Variants in ETV6 observed in about 807,000 individuals in gnomAD.
The protein encoded by ETV6 is transcription factor ETV6.
ETV6 carries 16 observed loss-of-function variants against 51.1 expected under a neutral mutation model. The observed-to-expected ratio is 0.31, with a 90% confidence interval of 0.21 to 0.48. The LOEUF is 0.48. Among genes scored for constraint, ETV6 ranks in the 20% least tolerant of loss-of-function variants. The pLI, the probability that ETV6 is intolerant of heterozygous loss-of-function variation, is 0.99. For synonymous variants in ETV6, 240 were observed against 224.1 expected (o/e 1.07, Z -0.64); for missense variants, 458 against 594.8 (o/e 0.77, Z 2.39).
intron 2 of ETV6, among the ~76,000 whole-genome samples, chr12:11,757,461 GATC>G (rs1036271488): frequency 3.3e-5 from 5 of 151,902 alleles, no homozygotes; most frequent in East Asian, 1.9e-4. Flanking sequence ...AGCTGAACGT[GATC>G]ATCATTATTA....
chr12:11,758,783 AAGG>A (rs979053307), intron 2 of ETV6, among the ~76,000 whole-genome samples: 2 of 152,352 alleles, frequency 1.3e-5, no homozygotes, highest in South Asian at 2.1e-4. Context: ...AGACAAGGAC[AAGG>A]AGAAGAGATT....
At chr12:11,798,549 T>C (rs535083811) in intron 2 of ETV6, among the ~76,000 whole-genome samples, 2 of 152,252 alleles carry the variant, frequency 1.3e-5, no homozygotes, top group African/African-American at 4.8e-5. Flanking sequence ...AATGCTAGTG[T>C]CTAGAAGTGG....
intron 2 of ETV6, among the ~76,000 whole-genome samples, chr12:11,767,394 A>G (rs932185608): frequency 6.6e-5 from 10 of 152,384 alleles, no homozygotes; most frequent in Non-Finnish European, 7.3e-5. Context: ...CTAAGACAGC[A>G]GAATTGTAGA....
intron 2 of ETV6, among the ~76,000 whole-genome samples, chr12:11,792,971 G>T (rs902084642): frequency 6.6e-6 from 1 of 152,078 alleles, no homozygotes; most frequent in Admixed American, 6.5e-5. Flanking sequence ...AGGGGGCTAC[G>T]GGAGGGGTGG....
chr12:11,653,939 A>G (rs148592176), intron 1 of ETV6, among the ~76,000 whole-genome samples: 184 of 151,890 alleles, frequency 1.2e-3, no homozygotes, highest in African/African-American at 4.4e-3. Context: ...CAGCCTCCCA[A>G]GTAGTTGGGA....
chr12:11,669,059 C>G (rs931013864), intron 1 of ETV6, among the ~76,000 whole-genome samples: 14 of 152,230 alleles, frequency 9.2e-5, no homozygotes, highest in African/African-American at 3.4e-4. Flanking sequence ...CCCGCATGCA[C>G]ATGCACACAT....
At position 11,863,055 on chromosome 12, in the gene ETV6, G is replaced by A. The variant is rs933722908; in HGVS notation, c.464-6369G>A. On this transcript the variant is annotated intron_variant, in intron 4 of 7. Transcript: ENST00000396373. ...TGACCTTCTTCTCTGACCAGCATCC[G>A]TGGGCTTAGGGAAAGCACGGTGGTG... is the stretch of plus-strand genomic sequence containing the variant. Among the ~76,000 whole-genome samples, 55 of 152,278 alleles carry A rather than the reference G, an allele frequency of 3.6e-4. 1 individual carries two copies. Among genetic ancestry groups the A allele is most frequent in the Admixed American group, 3.1e-3 (48 of 15,300 alleles).
chr12:11,724,215 A>G (rs1293270806), intron 1 of ETV6, among the ~76,000 whole-genome samples: 2 of 152,214 alleles, frequency 1.3e-5, no homozygotes, highest in African/African-American at 2.4e-5. Context: ...AGGTCCTGAT[A>G]GGGGCTACTT....
At chr12:11,733,407 CAAAAAAAAAAAAAA>C (rs11394100) in intron 1 of ETV6, among the ~76,000 whole-genome samples, 5 of 101,078 alleles carry the variant, frequency 4.9e-5, no homozygotes, top group African/African-American at 2.4e-4. Context: ...GACTCCATCT[CAAAAAAAAAAAAAA>C]AAAAAAAAAA....
chr12:11,682,760 G>A (rs1864555817), intron 1 of ETV6, among the ~76,000 whole-genome samples: 2 of 152,154 alleles, frequency 1.3e-5, no homozygotes, highest in East Asian at 1.9e-4. Context: ...TTTTGTATAA[G>A]GTGTAAGGAA....
chr12:11,687,425 A>G (rs1233598215), intron 1 of ETV6, among the ~76,000 whole-genome samples: 1 of 151,216 alleles, frequency 6.6e-6, no homozygotes, highest in African/African-American at 2.4e-5. Context: ...CAGATGATCC[A>G]CCCGCGTCGG....
At chr12:11,825,463 G>C (rs1029051849) in intron 2 of ETV6, among the ~76,000 whole-genome samples, 1 of 152,164 alleles carries the variant, frequency 6.6e-6, no homozygotes, top group African/African-American at 2.4e-5. Flanking sequence ...GCAAGCTTTC[G>C]CCTGCATCGC....
At chr12:11,775,343 AC>A (rs1178836315) in intron 2 of ETV6, among the ~76,000 whole-genome samples, 1 of 152,230 alleles carries the variant, frequency 6.6e-6, no homozygotes, top group Admixed American at 6.5e-5. Context: ...GTGGAAAAAA[AC>A]TTAACTATTC....
intron 5 of ETV6, among the ~76,000 whole-genome samples, chr12:11,871,971 C>T (rs1036314227): frequency 2.0e-5 from 3 of 152,212 alleles, no homozygotes; most frequent in African/African-American, 7.2e-5. Context: ...CAGTGTATTG[C>T]TGTGAATTCT....
intron 2 of ETV6, among the ~76,000 whole-genome samples, chr12:11,837,539 T>TC (rs1172327069): frequency 5.9e-5 from 9 of 152,190 alleles, no homozygotes; most frequent in Non-Finnish European, 1.2e-4. Flanking sequence ...AGCCGTTTGT[T>TC]CCCCACTTCA....
chr12:11,889,441 T>C (rs551025453), intron 7 of ETV6, among the ~76,000 whole-genome samples: 61 of 152,360 alleles, frequency 4.0e-4, no homozygotes, highest in African/African-American at 1.4e-3. Context: ...ACCTAGTATG[T>C]AATCAAGTGA....
Position 11,869,991 on chromosome 12 carries a change from C to T in ETV6, c.1009+22C>T, listed in dbSNP as rs1348640767. 1.3e-5 allele frequency: 20 copies of T among 1,577,706 alleles called. No homozygotes were observed. The highest frequency in any genetic ancestry group is 1.3e-5 in the Non-Finnish European group (15 of 1,167,770). On this transcript the variant is annotated intron_variant, in intron 5 of 7. Coordinates refer to ENST00000396373, the MANE Select transcript of ETV6 (RefSeq NM_001987.5). This position sits in a 1 kb window ranked among gnomAD's most constrained non-coding sequence, Gnocchi z 5.0. ...GCAGGTGAGTGAGTTCCCCTCTCGC[C>T]GCTCCAGCATCATGGGGACCTGACA...
At chr12:11,877,839 A>G (rs1947014792) in intron 5 of ETV6, among the ~76,000 whole-genome samples, 1 of 152,094 alleles carries the variant, frequency 6.6e-6, no homozygotes, top group Non-Finnish European at 1.5e-5. Flanking sequence ...GGCCCTTTTG[A>G]CTGTTAATGA....
intron 2 of ETV6, among the ~76,000 whole-genome samples, chr12:11,788,575 A>G (rs901516768): frequency 3.7e-4 from 56 of 152,136 alleles, no homozygotes; most frequent in African/African-American, 1.3e-3. Flanking sequence ...TGATGTGTGG[A>G]GTTTAAAGTA....
Sources: allele counts gnomAD v4.1 joint callset (sites outside exome capture counted in the v4.1 genomes callset), GRCh38; gene constraint gnomAD v4.1.1; non-coding constraint Gnocchi (gnomAD v3.1); transcripts MANE v1.5; gene names NCBI Gene and HGNC (gene_info 2026-07-23, HGNC 2026-07-21).